PARD3B: variants seen among roughly 807,000 people sequenced by gnomAD.
PARD3B encodes the protein par-3 family cell polarity regulator beta, also known as partitioning defective 3 homolog B.
In PARD3B, 103 loss-of-function variants were observed where a neutral mutation model predicts 130.2. That is an observed-to-expected ratio of 0.79 (90% confidence interval 0.67 to 0.93). PARD3B has a LOEUF of 0.93. Ranked by LOEUF, PARD3B falls within the 40% of genes least tolerant of loss-of-function variation. The pLI is 0.00. For synonymous variants in PARD3B, 583 were observed against 553.2 expected (o/e 1.05, Z -0.76); for missense variants, 1,609 against 1,499.2 (o/e 1.07, Z -1.21).
chr2:205,303,142 C>G (rs768998916), intron 18 of PARD3B, among the ~76,000 whole-genome samples: 21 of 152,120 alleles, frequency 1.4e-4, no homozygotes, highest in Admixed American at 3.3e-4. Context: ...TAAATGAAAG[C>G]TTTCTTCCTT....
chr2:204,927,884 A>C (rs1489397783), intron 2 of PARD3B, among the ~76,000 whole-genome samples: 4 of 152,182 alleles, frequency 2.6e-5, no homozygotes, highest in Non-Finnish European at 4.4e-5. Context: ...AGAGATTGAT[A>C]GATAATATAT....
rs552662181 is a variant in PARD3B at position 204,681,576 on chromosome 2, G to A, written c.121-4605G>A. Among the ~76,000 whole-genome samples the A allele has an allele frequency of 4.6e-5, 7 of 152,268 alleles. No homozygotes were observed. In the East Asian group the frequency reaches 1.4e-3, roughly 29 times the overall value. ...CATAATAAACTGTATATTCATCACT[G>A]CCTTTTCTGGCTTGATTCTTTCCTT... On this transcript the variant is annotated intron_variant, in intron 1 of 22. Coordinates refer to ENST00000406610, the MANE Select transcript of PARD3B (RefSeq NM_001302769.2).
At chr2:204,580,671 G>A (rs376969363) in intron 1 of PARD3B, among the ~76,000 whole-genome samples, 9 of 152,182 alleles carry the variant, frequency 5.9e-5, no homozygotes, top group East Asian at 3.9e-4. Context: ...TGGAGTCCCC[G>A]CCTTCTTAAA....
chr2:204,576,878 A>G lies in PARD3B; in HGVS notation c.120+30759A>G, dbSNP rs1390841643. Among the ~76,000 whole-genome samples, 4 of 152,196 alleles carry G rather than the reference A, an allele frequency of 2.6e-5. No homozygotes were observed. The East Asian group carries it at 7.7e-4, about 29-fold the overall frequency. ...ATATGGAATACAACCATAATAACAT[A>G]TACTGAGCAATTACTGTGAATCCAC... On this transcript the variant is annotated intron_variant, in intron 1 of 22. Coordinates refer to ENST00000406610, the MANE Select transcript of PARD3B (RefSeq NM_001302769.2).
intron 18 of PARD3B, among the ~76,000 whole-genome samples, chr2:205,338,684 C>T (rs926998035): frequency 6.6e-6 from 1 of 152,132 alleles, no homozygotes; most frequent in Admixed American, 6.6e-5. Flanking sequence ...AATATTTTAT[C>T]ATGGAATTTG....
At chr2:205,492,789 T>C (rs1278512882) in intron 20 of PARD3B, among the ~76,000 whole-genome samples, 1 of 152,184 alleles carries the variant, frequency 6.6e-6, no homozygotes, top group African/African-American at 2.4e-5. Context: ...AAGAATGCTA[T>C]GGAATTAAGT....
rs7581282 is a variant in PARD3B, at chr2:204,668,129, C to G, written c.121-18052C>G. Among the ~76,000 whole-genome samples, 419 of 152,180 alleles carry G rather than the reference C, an allele frequency of 2.8e-3. 1 individual carries two copies. Among genetic ancestry groups the G allele is most frequent in the African/African-American group, 9.9e-3 (412 of 41,538 alleles). On this transcript the variant is annotated intron_variant, in intron 1 of 22. Transcript: ENST00000406610. ...TAATCATTTCCCCAATCTGAAAGGA[C>G]TGAATAAGCAGGAGAGAGAGGAGAG...
chr2:204,857,260 T>C (rs1228736182), intron 2 of PARD3B, among the ~76,000 whole-genome samples: 1 of 152,164 alleles, frequency 6.6e-6, no homozygotes, highest in African/African-American at 2.4e-5. Context: ...GTTCATAAAT[T>C]AGCAGCATAC....
In PARD3B at chr2:204,567,584, A is replaced by G. The variant is rs1054073665; in HGVS notation, c.120+21465A>G. On this transcript the variant is annotated intron_variant, in intron 1 of 22. Transcript: ENST00000406610. ...GGTTAAAGAATATTTCTTTGTATGT[A>G]TGTACCACATTTTGTTTATTCATTT... 3.3e-5 allele frequency among the ~76,000 whole-genome samples: 5 copies of G among 152,192 alleles called. No homozygotes were observed. The South Asian group carries it at 6.2e-4, about 19-fold the overall frequency.
In PARD3B at chr2:204,717,773, G is replaced by T. The variant is rs567958704; in HGVS notation, c.222+31491G>T. Among the ~76,000 whole-genome samples, 71 of 152,274 alleles carry T rather than the reference G, an allele frequency of 4.7e-4. 1 individual carries two copies. Among genetic ancestry groups the T allele is most frequent in the African/African-American group, 1.7e-3 (70 of 41,554 alleles). On this transcript the variant is annotated intron_variant, in intron 2 of 22. Coordinates refer to ENST00000406610, the MANE Select transcript of PARD3B (RefSeq NM_001302769.2). ...TCTGGAGAGATGGCCAGGATGTGAC[G>T]TGGAAGAGGTGGCATCTGTGCCTTG...
At chr2:204,834,968 T>C (rs1396362033) in intron 2 of PARD3B, among the ~76,000 whole-genome samples, 1 of 152,226 alleles carries the variant, frequency 6.6e-6, no homozygotes, top group East Asian at 1.9e-4. Flanking sequence ...TGAGTCCTAG[T>C]GTCACCACTT....
At chr2:204,860,902 G>A (rs747433783) in intron 2 of PARD3B, among the ~76,000 whole-genome samples, 1 of 152,104 alleles carries the variant, frequency 6.6e-6, no homozygotes. Flanking sequence ...TTCTTGTTTA[G>A]CATTGGGCTA....
At chr2:204,741,524 A>T (rs1426003022) in intron 2 of PARD3B, among the ~76,000 whole-genome samples, 1 of 152,102 alleles carries the variant, frequency 6.6e-6, no homozygotes. Context: ...CCTTAGATTT[A>T]TAGTGTTGTG....
At chr2:205,271,490 CACAG>C (rs1452324200) in intron 16 of PARD3B, among the ~76,000 whole-genome samples, 1 of 152,180 alleles carries the variant, frequency 6.6e-6, no homozygotes, top group East Asian at 1.9e-4. Flanking sequence ...TATACACACA[CACAG>C]ACAAATATAC....
intron 2 of PARD3B, among the ~76,000 whole-genome samples, chr2:204,796,449 A>C (rs2042379092): frequency 6.6e-6 from 1 of 152,216 alleles, no homozygotes; most frequent in Non-Finnish European, 1.5e-5. Flanking sequence ...AAATTTCTTC[A>C]TCCCCTGGGC....
At chr2:204,698,974 C>T (rs2037751048) in intron 2 of PARD3B, among the ~76,000 whole-genome samples, 1 of 152,044 alleles carries the variant, frequency 6.6e-6, no homozygotes, top group South Asian at 2.1e-4. Context: ...TTTCTCAGAA[C>T]TCAGAGTGAA....
intron 3 of PARD3B, among the ~76,000 whole-genome samples, chr2:204,985,707 G>A (rs73984489): frequency 0.017 from 2,622 of 152,222 alleles, 73 homozygotes; most frequent in African/African-American, 0.06. Context: ...ATGAAGCCCC[G>A]TGTACCAAGC....
Position 205,176,642 on chromosome 2 carries a change from T to TAA in PARD3B, c.1924+79_1924+80dup, listed in dbSNP as rs11329569. On this transcript the variant is annotated intron_variant, in intron 13 of 22. Transcript: ENST00000406610. This position sits in a 1 kb window ranked among gnomAD's most constrained non-coding sequence, Gnocchi z 5.3. ...GAAAACACAAAAGTGTCTTTTTATC[T>TAA]AAAAAAAAAAAAAAAGAGTAAAGGG... The TAA allele has an allele frequency of 1.7e-4, 197 of 1,169,278 alleles. No homozygotes were observed. Among genetic ancestry groups the TAA allele is most frequent in the South Asian group, 2.0e-4 (10 of 49,102 alleles). 72.4% of individuals were successfully genotyped at this position (1,169,278 alleles called of 1,614,324 possible). A position where few individuals can be genotyped will look rare whatever the true frequency, so the allele number is the denominator to read the frequency against.
chr2:204,672,640 T>A (rs2036359568), intron 1 of PARD3B, among the ~76,000 whole-genome samples: 1 of 152,202 alleles, frequency 6.6e-6, no homozygotes, highest in Non-Finnish European at 1.5e-5. Context: ...TACATTTTGA[T>A]CCAGGCATAG....
Sources: gnomAD v4.1 joint callset for allele counts (sites outside exome capture counted in the v4.1 genomes callset) on GRCh38, gnomAD v4.1.1 for gene constraint, Gnocchi (gnomAD v3.1) non-coding constraint, MANE v1.5 for transcripts, NCBI Gene and HGNC (gene_info 2026-07-23, HGNC 2026-07-21) for gene names.